The following RYR3 variants were observed in gnomAD, a reference collection of about 807,000 sequenced individuals.
RYR3 encodes the protein brain ryanodine receptor-calcium release channel.
A neutral mutation model predicts 584.3 loss-of-function variants in RYR3; 207 were observed. The ratio of observed to expected loss-of-function variants is 0.35; its 90% confidence interval spans 0.32 to 0.40. RYR3 has a LOEUF of 0.40. Ranked by LOEUF, RYR3 falls within the 10% of genes least tolerant of loss-of-function variation. RYR3 has a pLI of 1.00. For synonymous variants in RYR3, 2,416 were observed against 2,248.5 expected, an observed-to-expected ratio of 1.07 and a Z score of -2.11; for missense variants, 5,616 against 6,089.2, an observed-to-expected ratio of 0.92 and a Z score of 2.59.
intron 11 of RYR3, among the ~76,000 whole-genome samples, chr15:33,564,890 T>TC (rs1253278585): frequency 5.3e-5 from 8 of 152,220 alleles, no homozygotes; most frequent in Non-Finnish European, 1.5e-5. Flanking sequence ...CTGCTTCATT[T>TC]CCTAAGAAGC....
At chr15:33,421,722 A>G (rs2044255507) in intron 1 of RYR3, among the ~76,000 whole-genome samples, 1 of 152,150 alleles carries the variant, frequency 6.6e-6, no homozygotes, top group African/African-American at 2.4e-5. Flanking sequence ...TATAAATCTG[A>G]GTATTATTCT....
At chr15:33,377,521 AT>A (rs2040841148) in intron 1 of RYR3, among the ~76,000 whole-genome samples, 1 of 152,230 alleles carries the variant, frequency 6.6e-6, no homozygotes, top group Non-Finnish European at 1.5e-5. Flanking sequence ...AAGCATGAGC[AT>A]TCTCCACAGG....
intron 73 of RYR3, among the ~76,000 whole-genome samples, 197 bp downstream of exon 73, chr15:33,813,191 T>G (rs2076637908): frequency 6.6e-6 from 1 of 152,204 alleles, no homozygotes; most frequent in Admixed American, 6.5e-5. Flanking sequence ...CCCCTGCCAG[T>G]GTTTTGTGCA....
chr15:33,475,965 A>G (rs1055770712), intron 2 of RYR3, among the ~76,000 whole-genome samples: 2 of 152,214 alleles, frequency 1.3e-5, no homozygotes, highest in Admixed American at 6.5e-5. Flanking sequence ...GAGAAATAAT[A>G]TATATAAAGC....
chr15:33,544,444 A>G (rs2056080606), intron 8 of RYR3, among the ~76,000 whole-genome samples: 1 of 152,106 alleles, frequency 6.6e-6, no homozygotes, highest in South Asian at 2.1e-4. Context: ...TGTAATGCCT[A>G]CAGGAACCTT....
rs201894323 is a variant in RYR3, at chr15:33,854,916, T to C, written c.14007+4T>C. The C allele has an allele frequency of 1.5e-5, 24 of 1,607,520 alleles. No homozygotes were observed. The East Asian group carries it at 1.6e-4, about 10-fold the overall frequency. On this transcript the variant is annotated splice_donor_region_variant and intron_variant, in intron 98 of 103. Coordinates refer to ENST00000634891, the MANE Select transcript of RYR3 (RefSeq NM_001036.6). ...TGTAACTCACAATGGCAAACAGGTA[T>C]GGTTTCTACTGATGCAGAACAGAAT...
intron 48 of RYR3, among the ~76,000 whole-genome samples, chr15:33,735,433 C>T (rs907664967): frequency 6.6e-6 from 1 of 152,168 alleles, no homozygotes; most frequent in African/African-American, 2.4e-5. Context: ...CAACATTTAA[C>T]AAAGGGGTGT....
At chr15:33,455,754 AG>A (rs1013455555) in intron 1 of RYR3, among the ~76,000 whole-genome samples, 3 of 152,082 alleles carry the variant, frequency 2.0e-5, no homozygotes, top group Admixed American at 6.5e-5. Context: ...TGGTCCTGGA[AG>A]AAAAAAGTAT....
At chr15:33,857,707 TAG>T (rs1045124123) in intron 98 of RYR3, 71 bp from the exon 99 acceptor site, 13 of 1,573,384 alleles carry the variant, frequency 8.3e-6, no homozygotes, top group African/African-American at 2.7e-5. Context: ...CTCGTTTTCT[TAG>T]AGTCTCCTGT....
intron 38 of RYR3, among the ~76,000 whole-genome samples, chr15:33,672,395 C>T (rs971390785): frequency 6.6e-6 from 1 of 152,204 alleles, no homozygotes; most frequent in Non-Finnish European, 1.5e-5. Context: ...TGCGTGTCTT[C>T]ACCTCATGCT....
chr15:33,392,962 A>G (rs557188809), intron 1 of RYR3, among the ~76,000 whole-genome samples: 1 of 152,390 alleles, frequency 6.6e-6, no homozygotes, highest in East Asian at 1.9e-4. Context: ...AGAAGCTAGC[A>G]CACTACAGAT....
intron 1 of RYR3, among the ~76,000 whole-genome samples, chr15:33,410,069 A>G (rs143050996): frequency 5.3e-4 from 80 of 152,270 alleles, no homozygotes; most frequent in African/African-American, 1.9e-3. Flanking sequence ...TTTTCTGAAC[A>G]TAGAAAAACC....
Position 33,548,174 on chromosome 15 carries a change from C to G in RYR3, c.785C>G (p.Ser262Cys), listed in dbSNP as rs2056393549. The change falls in exon 9 of 104, where the codon TCT becomes TGT. Residue 262 changes from serine to cysteine, a missense_variant. Ser to Cys is a moderately radical substitution (Grantham distance 112). This residue lies in a region of RYR3 where 1,284 missense variants were observed against 1,344.6 expected (regional missense o/e 0.95). Transcript: ENST00000634891. ...EAGGAGTRAR[S>C]LWRVEPLRIS... is the part of the protein sequence containing the mutation. Reference sequence around the variant, plus strand: ...GGGGGAGCTGGGACTCGAGCCAGGTCTCTTTGGAGAGTGGAACCCCTTCGG... The same window carrying G: ...GGGGGAGCTGGGACTCGAGCCAGGTGTCTTTGGAGAGTGGAACCCCTTCGG... 2 of 1,612,396 alleles carry G rather than the reference C, an allele frequency of 1.2e-6. No homozygotes were observed. Among genetic ancestry groups the G allele is most frequent in the African/African-American group, 2.7e-5 (2 of 74,892 alleles).
At chr15:33,865,055 C>A in intron 103 of RYR3, 76 bp from the exon 104 acceptor site, 1 of 1,158,364 alleles carries the variant, frequency 8.6e-7, no homozygotes. Context: ...AAGGGAGCCA[C>A]AAAGAACAAA....
At chr15:33,848,083 A>G (rs748792543) in intron 93 of RYR3, among the ~76,000 whole-genome samples, 1 of 152,194 alleles carries the variant, frequency 6.6e-6, no homozygotes, top group Non-Finnish European at 1.5e-5. Context: ...TTAAAGGGTG[A>G]CCCAAATCAG....
intron 19 of RYR3, among the ~76,000 whole-genome samples, chr15:33,621,281 T>G (rs1043289978): frequency 6.6e-6 from 1 of 152,202 alleles, no homozygotes. Context: ...ATACACTTAC[T>G]TGCTATACAA....
At chr15:33,332,295 T>C (rs1160959111) in intron 1 of RYR3, among the ~76,000 whole-genome samples, 1 of 152,106 alleles carries the variant, frequency 6.6e-6, no homozygotes, top group Non-Finnish European at 1.5e-5. Flanking sequence ...CAGGAAGTTA[T>C]AAAATGTTTA....
intron 1 of RYR3, among the ~76,000 whole-genome samples, chr15:33,389,638 A>G (rs944972213): frequency 3.3e-5 from 5 of 152,224 alleles, no homozygotes; most frequent in Non-Finnish European, 7.3e-5. Context: ...AAAAATATGA[A>G]AAATATTTGT....
Position 33,843,578 on chromosome 15 carries a change from A to C in RYR3, c.13296+4A>C. ...CTTCATCCTGCTTTTTTATAAGGTG[A>C]TACTTCATTCAGGGGTTATTTGCTA... On this transcript the variant is annotated splice_donor_region_variant and intron_variant, in intron 92 of 103. Coordinates refer to ENST00000634891, the MANE Select transcript of RYR3 (RefSeq NM_001036.6). 6.4e-7 allele frequency: 1 copy of C among 1,566,208 alleles called. No individual in the cohort carries two copies. Among genetic ancestry groups the C allele is most frequent in the Non-Finnish European group, 8.7e-7 (1 of 1,149,002 alleles).
Sources: gnomAD v4.1 joint callset for allele counts (sites outside exome capture counted in the v4.1 genomes callset) on GRCh38, gnomAD v4.1.1 for gene constraint, gnomAD v4.1.1 regional missense constraint, MANE v1.5 for transcripts, NCBI Gene and HGNC (gene_info 2026-07-23, HGNC 2026-07-21) for gene names.